Variants in PHF24 observed in about 807,000 individuals in gnomAD.
The protein encoded by PHF24 is Galpha inhibitory interacting protein.
A neutral mutation model predicts 42.6 loss-of-function variants in PHF24; 25 were observed. The ratio of observed to expected loss-of-function variants is 0.59; its 90% CI spans 0.43 to 0.82. The LOEUF is 0.82. Ranked by LOEUF, PHF24 falls within the 40% of genes least tolerant of loss-of-function variation. PHF24 has a pLI of 0.00. For missense variants in PHF24, 470 were observed against 538.1 expected (o/e 0.87, Z 1.25); for synonymous variants, 185 against 204.8 (o/e 0.90, Z 0.83).
At chr9:34,725,453 A>T in the PHF24 span, 6 of 1,243,498 alleles carry the variant, frequency 4.8e-6, 1 homozygote, top group Non-Finnish European at 6.7e-6. Context: ...CTGTTTCTGG[A>T]TGTGGAATTC....
chr9:34,778,222 C>T, the PHF24 span, among the ~76,000 whole-genome samples: 1 of 152,096 alleles, frequency 6.6e-6, no homozygotes, highest in Non-Finnish European at 1.5e-5. Flanking sequence ...ATAAGAAAGA[C>T]ATGAGACACG....
At chr9:34,948,721 G>A in the PHF24 span, among the ~76,000 whole-genome samples, 211 of 152,202 alleles carry the variant, frequency 1.4e-3, no homozygotes, top group African/African-American at 4.8e-3. Flanking sequence ...CTAACAACAC[G>A]TTTCTCAGAA....
the PHF24 span, among the ~76,000 whole-genome samples, chr9:34,698,836 G>A: frequency 3.3e-5 from 5 of 152,194 alleles, no homozygotes; most frequent in African/African-American, 4.8e-5. Context: ...CTGCTGCTCT[G>A]GCTGAATGAC....
chr9:34,686,331 C>T, the PHF24 span, among the ~76,000 whole-genome samples: 1 of 152,130 alleles, frequency 6.6e-6, no homozygotes. Context: ...ATGAGATGAT[C>T]AAAACCGTAT....
At chr9:34,718,819 G>A in the PHF24 span, among the ~76,000 whole-genome samples, 1 of 152,196 alleles carries the variant, frequency 6.6e-6, no homozygotes, top group Non-Finnish European at 1.5e-5. Context: ...TTGTGGAGAA[G>A]CCACCCTCCT....
the PHF24 span, chr9:34,834,808 C>T: frequency 6.5e-7 from 1 of 1,542,294 alleles, no homozygotes; most frequent in Non-Finnish European, 8.7e-7. Context: ...ATGGAGACAC[C>T]CAATTTGGCG....
chr9:34,953,914 C>A (rs1466004362), upstream of PHF24, among the ~76,000 whole-genome samples: 1 of 152,076 alleles, frequency 6.6e-6, no homozygotes, highest in Admixed American at 6.6e-5. The surrounding 1 kb of genome is among the most constrained non-coding windows in gnomAD (Gnocchi z 4.1). Context: ...CCAGCCTGGA[C>A]AACAGAGCAA....
chr9:34,689,802 C>G, the PHF24 span: 1 of 1,614,136 alleles, frequency 6.2e-7, no homozygotes, highest in East Asian at 2.2e-5. This position sits in a 1 kb window ranked among gnomAD's most constrained non-coding sequence, Gnocchi z 4.1. Flanking sequence ...TCCGGGCTCC[C>G]TCTGCACGGT....
chr9:34,699,601 G>A, the PHF24 span, among the ~76,000 whole-genome samples: 8,525 of 152,240 alleles, frequency 0.056, 311 homozygotes, highest in East Asian at 0.093. Flanking sequence ...CAAAGCTGGC[G>A]GAGAGGTTTT....
the PHF24 span, among the ~76,000 whole-genome samples, chr9:34,858,095 C>T: frequency 1.3e-5 from 2 of 149,196 alleles, no homozygotes; most frequent in African/African-American, 4.9e-5. Context: ...ATTTATTTAT[C>T]TTTCTTTCCA....
At chr9:34,666,157 T>G in the PHF24 span, 2 of 170,484 alleles carry the variant, frequency 1.2e-5, no homozygotes, top group East Asian at 1.8e-4. Context: ...AACGTCATCT[T>G]ACGGGGTGAG....
At chr9:34,870,320 A>G in the PHF24 span, among the ~76,000 whole-genome samples, 1 of 152,140 alleles carries the variant, frequency 6.6e-6, no homozygotes, top group Non-Finnish European at 1.5e-5. Context: ...GCATAAATGT[A>G]TAAATATATA....
the PHF24 span, chr9:34,724,034 C>T: frequency 1.8e-5 from 28 of 1,534,748 alleles, no homozygotes; most frequent in African/African-American, 5.5e-5. Context: ...GGTTGAGGAG[C>T]GCCCAAACCC....
chr9:34,736,687 A>G, the PHF24 span, among the ~76,000 whole-genome samples: 1 of 152,240 alleles, frequency 6.6e-6, no homozygotes, highest in South Asian at 2.1e-4. Flanking sequence ...AACATTTAAG[A>G]ACAGACCTAG....
the PHF24 span, among the ~76,000 whole-genome samples, chr9:34,790,724 G>A: frequency 6.6e-6 from 1 of 152,230 alleles, no homozygotes; most frequent in Non-Finnish European, 1.5e-5. Context: ...ATAAAATAGA[G>A]TAAGTGAAGA....
chr9:34,971,424 G>T (rs747249985), exon 2 of PHF24: 2 of 1,614,152 alleles, frequency 1.2e-6, no homozygotes, highest in South Asian at 1.1e-5. Context: ...AGCTGCCAGG[G>T]TCCCGCCGTG....
chr9:34,723,298 G>T, the PHF24 span: 3 of 1,551,620 alleles, frequency 1.9e-6, no homozygotes, highest in Non-Finnish European at 2.6e-6. Flanking sequence ...AGTGGCGGGG[G>T]TAGCCCAGGG....
At chr9:34,912,040 G>A in the PHF24 span, among the ~76,000 whole-genome samples, 1 of 152,182 alleles carries the variant, frequency 6.6e-6, no homozygotes, top group Non-Finnish European at 1.5e-5. Context: ...GACCAAGCAA[G>A]CTAGAGAGTG....
chr9:34,876,835 A>G, the PHF24 span, among the ~76,000 whole-genome samples: 6 of 152,196 alleles, frequency 3.9e-5, no homozygotes, highest in Non-Finnish European at 8.8e-5. Flanking sequence ...TATATACCCA[A>G]AGGAAAACAA....
Sources: allele counts gnomAD v4.1 joint callset (sites outside exome capture counted in the v4.1 genomes callset), GRCh38; gene constraint gnomAD v4.1.1; non-coding constraint Gnocchi (gnomAD v3.1); transcripts MANE v1.5; gene names NCBI Gene and HGNC (gene_info 2026-07-23, HGNC 2026-07-21).